Variants in NCAM1 observed in about 807,000 individuals in gnomAD.
The protein encoded by NCAM1 is neural cell adhesion molecule 1.
In NCAM1, 14 loss-of-function variants were observed where a neutral mutation model predicts 109.8. That is an observed-to-expected ratio of 0.13 (90% confidence interval 0.08 to 0.20). NCAM1 has a LOEUF of 0.20. Among genes scored for constraint, NCAM1 ranks in the 10% least tolerant of loss-of-function variants. NCAM1 has a pLI of 1.00. For synonymous variants in NCAM1, 418 were observed against 442.9 expected (o/e 0.94, Z 0.70); for missense variants, 774 against 1,109.9 (o/e 0.70, Z 4.30).
Position 113,275,857 on chromosome 11 carries a change from C to G in NCAM1, c.*470C>G, listed in dbSNP as rs1946391955. The stretch of plus-strand genomic sequence containing the variant: ...ACAAAGTCCACAGTTTATTTTTATA[C>G]TTTCAGTCAAGTTTGAACTCTGTAA... On this transcript the variant is annotated 3_prime_UTR_variant, in exon 20 of 20. Transcript: ENST00000316851. 6.5e-6 allele frequency: 1 copy of G among 153,792 alleles called. No homozygotes were observed. The highest frequency in any genetic ancestry group is 1.4e-5 in the Non-Finnish European group (1 of 68,970). The allele number at this position is 153,792 out of a possible 1,614,324, so 9.5% of individuals were successfully genotyped here.
chr11:113,122,612 C>G (rs1420788739), intron 1 of NCAM1, among the ~76,000 whole-genome samples: 2 of 152,032 alleles, frequency 1.3e-5, no homozygotes, highest in African/African-American at 4.8e-5. Context: ...GTAGAAACCC[C>G]ATCTCTACTA....
At chr11:113,156,279 A>G (rs1304041043) in intron 1 of NCAM1, among the ~76,000 whole-genome samples, 2 of 152,150 alleles carry the variant, frequency 1.3e-5, no homozygotes, top group East Asian at 3.9e-4. Flanking sequence ...CAAGGGAGAT[A>G]TTGGGTTCTG....
chr11:113,154,276 A>G (rs1181270115), intron 1 of NCAM1, among the ~76,000 whole-genome samples: 1 of 152,202 alleles, frequency 6.6e-6, no homozygotes, highest in Non-Finnish European at 1.5e-5. Flanking sequence ...AAAGTTTGGC[A>G]GTTAAGAGAA....
intron 1 of NCAM1, among the ~76,000 whole-genome samples, chr11:112,992,421 T>C (rs931977926): frequency 8.5e-5 from 13 of 152,056 alleles, no homozygotes; most frequent in Admixed American, 8.5e-4. Flanking sequence ...CTCATTTACA[T>C]GGTTCAAAAA....
chr11:112,976,751 A>ATG (rs1422939700), intron 1 of NCAM1, among the ~76,000 whole-genome samples: 1 of 151,946 alleles, frequency 6.6e-6, no homozygotes, highest in Non-Finnish European at 1.5e-5. Flanking sequence ...TGATCTATAT[A>ATG]TATTTTTGAA....
At chr11:113,154,204 G>C (rs1254210255) in intron 1 of NCAM1, among the ~76,000 whole-genome samples, 1 of 152,214 alleles carries the variant, frequency 6.6e-6, no homozygotes, top group East Asian at 1.9e-4. Context: ...CCGGTTTCTG[G>C]TGGGTTGAGG....
chr11:113,239,423 C>T (rs1323111393), intron 14 of NCAM1, among the ~76,000 whole-genome samples: 4 of 151,672 alleles, frequency 2.6e-5, no homozygotes, highest in Non-Finnish European at 4.4e-5. Flanking sequence ...CAAACATTAC[C>T]TCTTAATTTG....
chr11:113,275,205 T>G (rs1946376567), intron 19 of NCAM1, 62 bp from the exon 20 acceptor site: 2 of 1,600,674 alleles, frequency 1.2e-6, no homozygotes, highest in East Asian at 2.2e-5. Flanking sequence ...AAGGCCTGGA[T>G]GCAGGGGCGA....
intron 14 of NCAM1, among the ~76,000 whole-genome samples, chr11:113,240,308 G>C (rs1431839376): frequency 2.0e-5 from 3 of 152,214 alleles, no homozygotes; most frequent in Non-Finnish European, 4.4e-5. Flanking sequence ...AATGAGTGAG[G>C]CATATAGGTT....
At chr11:113,004,995 A>C (rs1591237276) in intron 1 of NCAM1, among the ~76,000 whole-genome samples, 1 of 151,884 alleles carries the variant, frequency 6.6e-6, no homozygotes, top group South Asian at 2.1e-4. Flanking sequence ...GATTTACTTT[A>C]ATTTTTGCTA....
chr11:113,238,420 T>G (rs1161800930), intron 14 of NCAM1, among the ~76,000 whole-genome samples: 5 of 152,156 alleles, frequency 3.3e-5, no homozygotes, highest in Admixed American at 6.5e-5. Flanking sequence ...ATGGTCTTTC[T>G]TTGTGCCCTG....
intron 14 of NCAM1, chr11:113,240,459 C>A (rs1945288237): frequency 2.9e-6 from 1 of 350,302 alleles, no homozygotes; most frequent in Non-Finnish European, 5.1e-6. Context: ...TCCTCCTATA[C>A]CTCTCGTCCT....
intron 1 of NCAM1, among the ~76,000 whole-genome samples, chr11:113,002,627 T>C (rs1951785987): frequency 6.6e-6 from 1 of 152,162 alleles, no homozygotes; most frequent in African/African-American, 2.4e-5. Flanking sequence ...TCTGCCTATG[T>C]TCCTCTGCAC....
intron 1 of NCAM1, among the ~76,000 whole-genome samples, chr11:113,028,106 G>A (rs1195149839): frequency 6.6e-6 from 1 of 152,074 alleles, no homozygotes; most frequent in Non-Finnish European, 1.5e-5. Flanking sequence ...ATAGTTTTGG[G>A]TTTTCTATTT....
intron 1 of NCAM1, among the ~76,000 whole-genome samples, chr11:113,193,762 G>A (rs1943769250): frequency 6.6e-6 from 1 of 152,142 alleles, no homozygotes. Flanking sequence ...GGGAATTGGT[G>A]GTGGGAGTGA....
rs548833577 is a variant in NCAM1 at position 113,128,122 on chromosome 11, C to G, written c.53-74257C>G. ...TATTACTTAATCCGTGCACCATTCA[C>G]CCCAATCACTTTTGGCAACCACACT... On this transcript the variant is annotated intron_variant, in intron 1 of 19. Coordinates refer to ENST00000316851, the MANE Select transcript of NCAM1 (RefSeq NM_181351.5). 1.1e-3 allele frequency among the ~76,000 whole-genome samples: 172 copies of G among 152,316 alleles called. 1 individual carries two copies. Among genetic ancestry groups the G allele is most frequent in the South Asian group, 9.3e-3 (45 of 4,828 alleles).
chr11:113,196,395 TG>T (rs1432209105), intron 1 of NCAM1, among the ~76,000 whole-genome samples: 5 of 152,208 alleles, frequency 3.3e-5, no homozygotes, highest in Admixed American at 6.5e-5. Context: ...AGAGTAGAAC[TG>T]GGCCACCTGA....
intron 16 of NCAM1, among the ~76,000 whole-genome samples, chr11:113,259,922 T>C (rs1945939131): frequency 6.6e-6 from 1 of 152,052 alleles, no homozygotes; most frequent in Admixed American, 6.5e-5. Context: ...CAGGCTGGTC[T>C]TGAACTCCTG....
At chr11:112,974,158 A>G (rs1486462261) in intron 1 of NCAM1, among the ~76,000 whole-genome samples, 4 of 152,110 alleles carry the variant, frequency 2.6e-5, no homozygotes, top group Admixed American at 2.6e-4. Context: ...TTGAAACATG[A>G]AGAATGAAGA....
Sources: allele counts gnomAD v4.1 joint callset (sites outside exome capture counted in the v4.1 genomes callset), GRCh38; gene constraint gnomAD v4.1.1; transcripts MANE v1.5; gene names NCBI Gene and HGNC (gene_info 2026-07-23, HGNC 2026-07-21).